SCHIP1: variants seen among roughly 807,000 people sequenced by gnomAD.
The protein encoded by SCHIP1 is schwannomin interacting protein 1.
Under a neutral mutation model 29.7 loss-of-function variants are expected in SCHIP1, and 8 were observed. The ratio of observed to expected loss-of-function variants is 0.27; its 90% CI spans 0.16 to 0.49. SCHIP1 has a LOEUF of 0.49. SCHIP1 is among the 20% of genes least tolerant of loss of function. The pLI, the probability that SCHIP1 is intolerant of heterozygous loss-of-function variation, is 0.99. For synonymous variants in SCHIP1, 76 were observed against 94.9 expected (o/e 0.80, Z 1.16); for missense variants, 193 against 294.6 (o/e 0.66, Z 2.52).
chr3:159,734,404 T>A, the SCHIP1 span, among the ~76,000 whole-genome samples: 2 of 152,020 alleles, frequency 1.3e-5, no homozygotes, highest in Admixed American at 1.3e-4. Context: ...CCTCCCAAAG[T>A]GCTGGGATTA....
At chr3:159,329,683 T>G in the SCHIP1 span, among the ~76,000 whole-genome samples, 1 of 152,218 alleles carries the variant, frequency 6.6e-6, no homozygotes, top group Non-Finnish European at 1.5e-5. Context: ...TTCTTTTCTA[T>G]AGTCATAATC....
the SCHIP1 span, among the ~76,000 whole-genome samples, chr3:159,397,418 C>A: frequency 6.6e-6 from 1 of 152,148 alleles, no homozygotes; most frequent in Non-Finnish European, 1.5e-5. Context: ...AGTTTCCAGT[C>A]TTTCTGTTCT....
At chr3:159,512,268 G>T in the SCHIP1 span, among the ~76,000 whole-genome samples, 1 of 152,172 alleles carries the variant, frequency 6.6e-6, no homozygotes, top group Non-Finnish European at 1.5e-5. Flanking sequence ...GTTCATCGGG[G>T]ATGTGTGAAT....
At chr3:159,434,639 G>A in the SCHIP1 span, among the ~76,000 whole-genome samples, 2 of 152,258 alleles carry the variant, frequency 1.3e-5, no homozygotes, top group Non-Finnish European at 2.9e-5. Context: ...TTAATAGGAG[G>A]AATATCTTTT....
the SCHIP1 span, among the ~76,000 whole-genome samples, chr3:159,685,142 A>G: frequency 1.4e-4 from 22 of 152,220 alleles, no homozygotes; most frequent in Admixed American, 3.9e-4. Context: ...ATAGTCTTGA[A>G]CAAAATAGAC....
the SCHIP1 span, among the ~76,000 whole-genome samples, chr3:159,656,261 A>G: frequency 6.6e-6 from 1 of 152,184 alleles, no homozygotes; most frequent in African/African-American, 2.4e-5. Context: ...TATGAGTAGG[A>G]ATCATTCTCT....
At chr3:159,405,297 A>G in the SCHIP1 span, among the ~76,000 whole-genome samples, 1 of 152,204 alleles carries the variant, frequency 6.6e-6, no homozygotes, top group African/African-American at 2.4e-5. Flanking sequence ...AATGAACTAA[A>G]TAAGGTACCA....
the SCHIP1 span, chr3:159,273,850 GT>G: frequency 6.2e-7 from 1 of 1,613,418 alleles, no homozygotes; most frequent in Non-Finnish European, 8.5e-7. Flanking sequence ...GTGTTACAAC[GT>G]GGGACTGTGA....
chr3:159,714,280 G>T, the SCHIP1 span, among the ~76,000 whole-genome samples: 2 of 152,048 alleles, frequency 1.3e-5, no homozygotes, highest in Non-Finnish European at 2.9e-5. Flanking sequence ...CAAGATGGCC[G>T]AATAGGAACA....
the SCHIP1 span, among the ~76,000 whole-genome samples, chr3:159,703,765 T>C: frequency 2.0e-5 from 3 of 152,336 alleles, no homozygotes; most frequent in East Asian, 1.9e-4. Flanking sequence ...CTTTCTTACA[T>C]GGTGAACTAT....
the SCHIP1 span, among the ~76,000 whole-genome samples, chr3:159,639,765 A>T: frequency 1.3e-5 from 2 of 152,208 alleles, no homozygotes; most frequent in Admixed American, 6.5e-5. Context: ...AATGGGGTGT[A>T]CAGACAGAGG....
Position 159,888,882 on chromosome 3 carries a change from G to A in SCHIP1, c.528G>A (p.Leu176=), listed in dbSNP as rs759215363. Residue 176 remains leucine (L), a synonymous_variant, in exon 5 of 7, where the codon CTG becomes CTA. Transcript: ENST00000445224. ...AAAGAAGTTTAAAACCCACCGACCT[G>A]AGAGACATGACTATTGGGCAGCTAC... 1.4e-5 allele frequency: 22 copies of A among 1,614,110 alleles called. No individual in the cohort carries two copies. The South Asian group carries it at 1.9e-4, about 14-fold the overall frequency.
the SCHIP1 span, among the ~76,000 whole-genome samples, chr3:159,397,278 A>G: frequency 9.2e-5 from 14 of 152,172 alleles, no homozygotes; most frequent in Admixed American, 1.3e-4. Flanking sequence ...GTCCTCCTGT[A>G]GCTCAGAGTA....
chr3:159,603,931 C>T, the SCHIP1 span, among the ~76,000 whole-genome samples: 2 of 152,126 alleles, frequency 1.3e-5, no homozygotes, highest in African/African-American at 2.4e-5. Flanking sequence ...TCTTTTATAA[C>T]AGACCCACTC....
At chr3:159,668,160 G>C in the SCHIP1 span, among the ~76,000 whole-genome samples, 1 of 152,066 alleles carries the variant, frequency 6.6e-6, no homozygotes, top group Non-Finnish European at 1.5e-5. Flanking sequence ...ATGAGGTCAG[G>C]AGATTGAGAC....
the SCHIP1 span, among the ~76,000 whole-genome samples, chr3:159,284,395 A>G: frequency 6.6e-6 from 1 of 152,194 alleles, no homozygotes; most frequent in African/African-American, 2.4e-5. Context: ...GAAATTTTAT[A>G]AGAATCAGCT....
At chr3:159,795,625 T>C in the SCHIP1 span, among the ~76,000 whole-genome samples, 1 of 152,178 alleles carries the variant, frequency 6.6e-6, no homozygotes. Flanking sequence ...GGTAAAACTA[T>C]GCTATAGACA....
At chr3:159,697,611 A>G in the SCHIP1 span, among the ~76,000 whole-genome samples, 1 of 152,242 alleles carries the variant, frequency 6.6e-6, no homozygotes, top group African/African-American at 2.4e-5. Flanking sequence ...TGTGAAATGC[A>G]ATCACATTTA....
At chr3:159,616,320 T>G in the SCHIP1 span, among the ~76,000 whole-genome samples, 4 of 152,208 alleles carry the variant, frequency 2.6e-5, no homozygotes, top group Admixed American at 1.3e-4. Context: ...CAGGCTGGTC[T>G]TGAACTCCTG....
Sources: gnomAD v4.1 joint callset for allele counts (sites outside exome capture counted in the v4.1 genomes callset) on GRCh38, gnomAD v4.1.1 for gene constraint, MANE v1.5 for transcripts, NCBI Gene and HGNC (gene_info 2026-07-23, HGNC 2026-07-21) for gene names.